The following OOSP4B variants were observed in gnomAD, a reference collection of about 807,000 sequenced individuals.
OOSP4B encodes the protein oocyte-secreted protein 4B.
At chr11:60,022,333 T>G (rs1854699556) in intron 1 of OOSP4B, 1 of 152,190 alleles carries the variant, frequency 6.6e-6, no homozygotes, top group Non-Finnish European at 1.5e-5. Context: ...ATTGCAGATT[T>G]TTTTTCATCC....
chr11:60,023,755 A>G (rs1854717801), intron 1 of OOSP4B, 125 bp from the exon 2 acceptor site: 1 of 394,196 alleles, frequency 2.5e-6, no homozygotes, highest in Middle Eastern at 6.4e-4. Flanking sequence ...ATTTTTGAAC[A>G]TGGCTAATAG....
exon 5 of OOSP4B, chr11:60,030,900 C>T: frequency 2.5e-6 from 1 of 398,036 alleles, no homozygotes; most frequent in Admixed American, 4.4e-5. Context: ...TGTCTGAAAA[C>T]CAGTTTCATC....
At chr11:60,021,416 G>C (rs1055585734) in intron 1 of OOSP4B, 1 of 152,104 alleles carries the variant, frequency 6.6e-6, no homozygotes. Flanking sequence ...CCTGAGTCAG[G>C]CACTTACTGT....
At chr11:60,022,348 C>T (rs1854699738) in intron 1 of OOSP4B, 1 of 152,086 alleles carries the variant, frequency 6.6e-6, no homozygotes, top group African/African-American at 2.4e-5. Flanking sequence ...TCATCCTCAC[C>T]CTAAACTTCA....
intron 1 of OOSP4B, among the ~76,000 whole-genome samples, chr11:60,019,799 G>A (rs1016227237): frequency 6.6e-6 from 1 of 152,238 alleles, no homozygotes; most frequent in Non-Finnish European, 1.5e-5. Context: ...CGGGTTGCCA[G>A]TGCTGGTTCA....
chr11:60,030,630 G>A (rs1006105603), intron 4 of OOSP4B, among the ~76,000 whole-genome samples, 172 bp from the exon 5 acceptor site: 2 of 152,094 alleles, frequency 1.3e-5, no homozygotes, highest in Admixed American at 6.5e-5. Flanking sequence ...ATATCTAATG[G>A]TTATATTTGA....
At chr11:60,024,639 A>T (rs893199616) in intron 2 of OOSP4B, among the ~76,000 whole-genome samples, 1 of 152,222 alleles carries the variant, frequency 6.6e-6, no homozygotes, top group Non-Finnish European at 1.5e-5. Context: ...ATGCAATTGT[A>T]CTACTTTGGA....
chr11:60,020,466 G>A (rs1225359436), intron 1 of OOSP4B, among the ~76,000 whole-genome samples: 1 of 152,222 alleles, frequency 6.6e-6, no homozygotes, highest in African/African-American at 2.4e-5. Context: ...CAGGTGCTAA[G>A]CCCCTCACTG....
chr11:60,024,933 T>C (rs1045966752), exon 3 of OOSP4B: 2 of 398,372 alleles, frequency 5.0e-6, no homozygotes, highest in Non-Finnish European at 8.9e-6. Context: ...GATGACGCCA[T>C]ATTATCAGAG....
intron 1 of OOSP4B, 145 bp from the exon 2 acceptor site, chr11:60,023,735 A>C (rs1362940985): frequency 2.3e-5 from 9 of 388,290 alleles, no homozygotes; most frequent in African/African-American, 1.7e-4. Flanking sequence ...TGCCTGGCCT[A>C]TACCTGCTTA....
intron 1 of OOSP4B, among the ~76,000 whole-genome samples, chr11:60,020,254 C>A (rs900871652): frequency 6.6e-6 from 1 of 152,214 alleles, no homozygotes; most frequent in Non-Finnish European, 1.5e-5. Context: ...ATGCAGTGTG[C>A]CCGCACTCCT....
chr11:60,027,670 A>AAAAAAAAAAC, intron 3 of OOSP4B, among the ~76,000 whole-genome samples: 1 of 148,980 alleles, frequency 6.7e-6, no homozygotes, highest in Non-Finnish European at 1.5e-5. Flanking sequence ...AAAAAAAAAA[A>AAAAAAAAAAC]AAAAAAAAAA....
chr11:60,025,237 A>G (rs1053313893), intron 3 of OOSP4B, among the ~76,000 whole-genome samples: 2 of 152,062 alleles, frequency 1.3e-5, no homozygotes, highest in African/African-American at 2.4e-5. Flanking sequence ...TTCCCCATCT[A>G]TCAATTTTGA....
chr11:60,020,198 A>G (rs1247024370), intron 1 of OOSP4B, among the ~76,000 whole-genome samples: 2 of 152,214 alleles, frequency 1.3e-5, no homozygotes, highest in Non-Finnish European at 2.9e-5. Flanking sequence ...GGCTTCACCC[A>G]GTGGATCCCA....
At chr11:60,024,531 T>G (rs1391984763) in intron 2 of OOSP4B, among the ~76,000 whole-genome samples, 1 of 152,142 alleles carries the variant, frequency 6.6e-6, no homozygotes, top group Non-Finnish European at 1.5e-5. Flanking sequence ...TAAGTGAAAC[T>G]CTGTCTCAAA....
intron 1 of OOSP4B, among the ~76,000 whole-genome samples, 158 bp downstream of exon 1, chr11:60,017,571 T>C (rs1854640600): frequency 6.6e-6 from 1 of 152,170 alleles, no homozygotes; most frequent in South Asian, 2.1e-4. Flanking sequence ...TCCCCCTGAT[T>C]ATAAACCAAC....
intron 4 of OOSP4B, 100 bp downstream of exon 4, chr11:60,030,029 C>G: frequency 2.5e-6 from 1 of 395,052 alleles, no homozygotes; most frequent in Non-Finnish European, 4.5e-6. Context: ...ATGCTGCATG[C>G]TGAAATTGCT....
intron 3 of OOSP4B, among the ~76,000 whole-genome samples, chr11:60,027,574 C>G (rs1205659533): frequency 6.7e-6 from 1 of 148,900 alleles, no homozygotes; most frequent in Non-Finnish European, 1.5e-5. Flanking sequence ...GGGGTTAGCA[C>G]CTGACTTGGA....
At chr11:60,019,068 C>T (rs1278748559) in intron 1 of OOSP4B, among the ~76,000 whole-genome samples, 1 of 151,854 alleles carries the variant, frequency 6.6e-6, no homozygotes, top group South Asian at 2.1e-4. Context: ...CAAAAAAATA[C>T]AAAAATTAGT....
Sources: gnomAD v4.1 joint callset for allele counts (sites outside exome capture counted in the v4.1 genomes callset) on GRCh38, gnomAD v4.1.1 for gene constraint, MANE v1.5 for transcripts, NCBI Gene and HGNC (gene_info 2026-07-23, HGNC 2026-07-21) for gene names.